The following NAALADL2 variants were observed in gnomAD, a reference collection of about 807,000 sequenced individuals.
NAALADL2 encodes the protein inactive N-acetylated-alpha-linked acidic dipeptidase-like protein 2.
In NAALADL2, 76 loss-of-function variants were observed where a neutral mutation model predicts 87.2. That is an observed-to-expected ratio of 0.87 (90% CI 0.72 to 1.05). NAALADL2 has a LOEUF of 1.05. Among genes scored for constraint, NAALADL2 ranks in the 50% least tolerant of loss-of-function variants. The pLI is 0.00. For synonymous variants in NAALADL2, 354 were observed against 331.0 expected (o/e 1.07, Z -0.75); for missense variants, 1,089 against 945.8 (o/e 1.15, Z -1.99).
intron 11 of NAALADL2, among the ~76,000 whole-genome samples, chr3:175,655,245 T>A (rs1393409252): frequency 6.6e-6 from 1 of 152,180 alleles, no homozygotes; most frequent in East Asian, 1.9e-4. Context: ...GGTGTATATT[T>A]GTGCATATTT....
chr3:175,740,141 C>T (rs947970491), intron 12 of NAALADL2, among the ~76,000 whole-genome samples: 1 of 151,984 alleles, frequency 6.6e-6, no homozygotes, highest in Non-Finnish European at 1.5e-5. Flanking sequence ...GAAAAACAAG[C>T]GAATCTTATA....
At chr3:174,952,375 T>C (rs139489937) in intron 1 of NAALADL2, among the ~76,000 whole-genome samples, 1 of 152,294 alleles carries the variant, frequency 6.6e-6, no homozygotes, top group African/African-American at 2.4e-5. Context: ...ATTCTCAGAC[T>C]GCAGCTCAAA....
intron 1 of NAALADL2, among the ~76,000 whole-genome samples, chr3:174,911,132 G>A (rs1042425541): frequency 1.3e-5 from 2 of 152,214 alleles, no homozygotes; most frequent in East Asian, 3.9e-4. Flanking sequence ...ATTTTCTGAA[G>A]TGGATTCTGA....
At chr3:175,014,739 C>A (rs1750597666) in intron 1 of NAALADL2, among the ~76,000 whole-genome samples, 1 of 151,986 alleles carries the variant, frequency 6.6e-6, no homozygotes, top group Admixed American at 6.6e-5. Context: ...TTTCTGCATC[C>A]CAAACACTAT....
chr3:175,225,942 C>A (rs1041906542), intron 2 of NAALADL2, among the ~76,000 whole-genome samples: 2 of 152,050 alleles, frequency 1.3e-5, no homozygotes, highest in African/African-American at 4.8e-5. Context: ...TTTTTTCTGG[C>A]ACAGGTAATA....
chr3:175,134,711 G>A (rs1728833816), intron 2 of NAALADL2, among the ~76,000 whole-genome samples: 1 of 152,102 alleles, frequency 6.6e-6, no homozygotes, highest in African/African-American at 2.4e-5. Flanking sequence ...AAAGTATGAT[G>A]ATACTGAGCA....
Position 174,975,733 on chromosome 3 carries a change from C to T in NAALADL2, c.43+116283C>T, listed in dbSNP as rs1744277849. Among the ~76,000 whole-genome samples the T allele has an allele frequency of 2.0e-5, 3 of 152,184 alleles. No individual in the cohort carries two copies. The South Asian group carries it at 6.2e-4, about 31-fold the overall frequency. Reference sequence around the variant, plus strand: ...CACGTTCAACCATGTTATGAGTTGACTCTTGGAGCCATGTGGTAAGAAACT... The same window carrying T: ...CACGTTCAACCATGTTATGAGTTGATTCTTGGAGCCATGTGGTAAGAAACT... On this transcript the variant is annotated intron_variant, in intron 1 of 13. Coordinates refer to ENST00000454872, the MANE Select transcript of NAALADL2 (RefSeq NM_207015.3).
intron 1 of NAALADL2, among the ~76,000 whole-genome samples, chr3:174,885,904 T>G (rs1413609973): frequency 0.013 from 563 of 42,634 alleles, 41 homozygotes; most frequent in African/African-American, 0.072. Flanking sequence ...TTTTTTTTTT[T>G]TTTTTTTTTT....
intron 13 of NAALADL2, among the ~76,000 whole-genome samples, chr3:175,785,322 TTAA>T (rs1166779294): frequency 2.0e-5 from 3 of 148,728 alleles, no homozygotes; most frequent in Non-Finnish European, 4.4e-5. Flanking sequence ...TCTCCCATTA[TTAA>T]TGTGTGGGAG....
chr3:175,232,896 A>T (rs1266781961), intron 2 of NAALADL2, among the ~76,000 whole-genome samples: 2 of 78,692 alleles, frequency 2.5e-5, no homozygotes, highest in Non-Finnish European at 6.4e-5. Flanking sequence ...TCAGCCACAA[A>T]ATTAAAAAAA....
At chr3:175,660,496 T>C (rs1380200751) in intron 11 of NAALADL2, among the ~76,000 whole-genome samples, 3 of 152,190 alleles carry the variant, frequency 2.0e-5, no homozygotes, top group Non-Finnish European at 4.4e-5. Context: ...ATATTTATCC[T>C]TTCTTTATGT....
chr3:174,877,688 G>A (rs891301376), intron 1 of NAALADL2, among the ~76,000 whole-genome samples: 2 of 152,086 alleles, frequency 1.3e-5, no homozygotes, highest in Admixed American at 1.3e-4. Context: ...TTTGAAGACA[G>A]GTGATGTAGA....
chr3:174,527,096 A>G (rs531870493), intron 1 of NAALADL2, among the ~76,000 whole-genome samples: 2 of 152,350 alleles, frequency 1.3e-5, no homozygotes, highest in African/African-American at 4.8e-5. Flanking sequence ...GGGTGGAGTG[A>G]AAAGTCATAA....
At chr3:174,546,481 T>C (rs1324068024) in intron 1 of NAALADL2, among the ~76,000 whole-genome samples, 1 of 152,144 alleles carries the variant, frequency 6.6e-6, no homozygotes, top group Non-Finnish European at 1.5e-5. Flanking sequence ...TTGATTTTCA[T>C]AATACCTGGT....
chr3:174,463,585 A>T (rs566845379), intron 1 of NAALADL2, among the ~76,000 whole-genome samples: 6 of 148,204 alleles, frequency 4.0e-5, no homozygotes, highest in Non-Finnish European at 8.9e-5. Flanking sequence ...TTAATGCTAT[A>T]CCCTAAAGAT....
chr3:175,277,635 T>A (rs767633955), intron 4 of NAALADL2, among the ~76,000 whole-genome samples: 1 of 152,148 alleles, frequency 6.6e-6, no homozygotes, highest in Non-Finnish European at 1.5e-5. Flanking sequence ...TACTTAAAAC[T>A]CTTCAATGGA....
At chr3:175,277,232 A>G (rs1444441601) in intron 4 of NAALADL2, among the ~76,000 whole-genome samples, 1 of 152,190 alleles carries the variant, frequency 6.6e-6, no homozygotes, top group Non-Finnish European at 1.5e-5. Context: ...AAACTTCTAC[A>G]GTGCCAACAT....
At chr3:175,320,043 A>G (rs1759647873) in intron 4 of NAALADL2, among the ~76,000 whole-genome samples, 1 of 152,202 alleles carries the variant, frequency 6.6e-6, no homozygotes, top group South Asian at 2.1e-4. Context: ...GTTGTTAACT[A>G]AAGTCACACA....
intron 4 of NAALADL2, among the ~76,000 whole-genome samples, chr3:175,301,209 A>C (rs145800487): frequency 0.014 from 2,080 of 152,196 alleles, 51 homozygotes; most frequent in African/African-American, 0.047. Flanking sequence ...GTGGGCATTT[A>C]GTGCTATAAA....
Sources: allele counts gnomAD v4.1 joint callset (sites outside exome capture counted in the v4.1 genomes callset), GRCh38; gene constraint gnomAD v4.1.1; transcripts MANE v1.5; gene names NCBI Gene and HGNC (gene_info 2026-07-23, HGNC 2026-07-21).